Variants in ANTXRL observed in about 807,000 individuals in gnomAD.
The protein encoded by ANTXRL is ANTXR like.
ANTXRL carries 63 observed loss-of-function variants against 75.4 expected under a neutral mutation model. The observed-to-expected ratio is 0.84, with a 90% CI of 0.68 to 1.03. ANTXRL has a LOEUF of 1.03. Ranked by LOEUF, ANTXRL falls within the 50% of genes least tolerant of loss-of-function variation. The pLI, the probability that ANTXRL is intolerant of heterozygous loss-of-function variation, is 0.00. For synonymous variants in ANTXRL, 335 were observed against 291.3 expected (o/e 1.15, Z -1.53); for missense variants, 797 against 789.4 (o/e 1.01, Z -0.12).
At chr10:46,322,121 A>G (rs114844700) in intron 16 of ANTXRL, among the ~76,000 whole-genome samples, 5,664 of 151,992 alleles carry the variant, frequency 0.037, 370 homozygotes, top group African/African-American at 0.13. Context: ...GCTTTCCCAC[A>G]TGGGAAAGCC....
intron 14 of ANTXRL, 99 bp downstream of exon 14, chr10:46,310,598 C>A: frequency 7.7e-7 from 1 of 1,293,870 alleles, no homozygotes; most frequent in Non-Finnish European, 1.1e-6. Flanking sequence ...TCTCCATCTG[C>A]TTGAGCAGAG....
At chr10:46,328,309 C>A (rs1839325599) in intron 16 of ANTXRL, among the ~76,000 whole-genome samples, 1 of 152,110 alleles carries the variant, frequency 6.6e-6, no homozygotes, top group Admixed American at 6.5e-5. Flanking sequence ...AGCTGAGCAG[C>A]TCTGAGAAAG....
Position 46,323,300 on chromosome 10 carries a change from A to T in ANTXRL, c.1411-6299A>T, listed in dbSNP as rs545032851. Among the ~76,000 whole-genome samples the T allele has an allele frequency of 6.6e-5, 10 of 152,308 alleles. No homozygotes were observed. The East Asian group carries it at 1.9e-3, about 29-fold the overall frequency. The stretch of plus-strand genomic sequence containing the variant: ...TAGGACCTATGAACAAAAAAATAAT[A>T]ACTCAGGATTAGCCAATGTACTGTC... On this transcript the variant is annotated intron_variant, in intron 16 of 16. Coordinates refer to ENST00000620264, the MANE Select transcript of ANTXRL (RefSeq NM_001278688.3).
chr10:46,308,976 C>T (rs1159790767), intron 12 of ANTXRL, 137 bp from the exon 13 acceptor site: 2 of 1,230,146 alleles, frequency 1.6e-6, no homozygotes, highest in African/African-American at 1.5e-5. Context: ...GGGCCCAGCC[C>T]TGGCCGCTGG....
In ANTXRL at chr10:46,287,165, C is replaced by T; in HGVS notation, c.-98C>T. The T allele has an allele frequency of 7.0e-7, 1 of 1,437,122 alleles. No homozygotes were observed. Among genetic ancestry groups the T allele is most frequent in the Non-Finnish European group, 9.2e-7 (1 of 1,088,710 alleles). 89.0% of individuals were successfully genotyped at this position (1,437,122 alleles called of 1,614,324 possible). A position where few individuals can be genotyped will look rare whatever the true frequency, so the allele number is the denominator to read the frequency against. On this transcript the variant is annotated 5_prime_UTR_variant, in exon 1 of 17. Transcript: ENST00000620264. ...GCAGGAGGAGGGGTGTGGCCCCGGG[C>T]ATAAGGGGAGGCGGCAAAGAAGGGG...
intron 2 of ANTXRL, among the ~76,000 whole-genome samples, chr10:46,293,552 TGTGA>T (rs1439037194): frequency 7.8e-6 from 1 of 127,722 alleles, no homozygotes; most frequent in Admixed American, 8.3e-5. Context: ...TGCATATGTG[TGTGA>T]GTGTGTGCCT....
rs1415055481 is a variant in ANTXRL, at chr10:46,292,068, G to A, written c.259G>A (p.Val87Met). ...LYFILDKSGS[V>M]NNNWIDLYMW... ...CTCCTTTTGTTTTAGGTCTGGCAGC[G>A]TGAACAATAACTGGATTGACCTTTA... is the stretch of plus-strand genomic sequence containing the variant. Residue 87 changes from valine (V) to methionine (M), a missense_variant, in exon 2 of 17, where the codon GTG becomes ATG. Around this residue, in one of 3 missense-constraint regions of ANTXRL, gnomAD observed 262 missense variants for 271.9 expected, o/e 0.96. Transcript: ENST00000620264. 7 of 1,536,278 alleles carry A rather than the reference G, an allele frequency of 4.6e-6. No individual in the cohort carries two copies. Among genetic ancestry groups the A allele is most frequent in the African/African-American group, 1.4e-5 (1 of 73,128 alleles).
At position 46,300,265 on chromosome 10, in the gene ANTXRL, AG is replaced by A. The variant is rs1271977154; in HGVS notation, c.796+2206del. On this transcript the variant is annotated intron_variant, in intron 9 of 16. Transcript: ENST00000620264. Reference sequence around the variant, plus strand: ...GGAGGGTGACAGTCACAGGAGGGAAAGGGCAAGGCAGGAGCCTGAAACCCAA... The same window carrying A: ...GGAGGGTGACAGTCACAGGAGGGAAAGGCAAGGCAGGAGCCTGAAACCCAA... 1.4e-4 allele frequency among the ~76,000 whole-genome samples: 21 copies of A among 152,292 alleles called. No individual in the cohort carries two copies. In the East Asian group the frequency reaches 3.9e-3, roughly 28 times the overall value.
intron 16 of ANTXRL, among the ~76,000 whole-genome samples, chr10:46,315,547 A>G (rs1437205904): frequency 7.2e-5 from 11 of 152,150 alleles, no homozygotes; most frequent in African/African-American, 2.7e-4. Flanking sequence ...GGCCCTCAGC[A>G]GGTTGGGGGA....
Position 46,297,303 on chromosome 10 carries a change from A to T in ANTXRL, c.560A>T (p.His187Leu). The stretch of plus-strand genomic sequence containing the variant: ...ATGACTGATGGAGAACTGGTGGCAC[A>T]TGCATTTCAGGACACTCTCAGAGAA... The part of the protein sequence containing the change: ...IAMTDGELVA[H>L]AFQDTLREAQ... Residue 187 changes from histidine to leucine, a missense_variant, in exon 6 of 17, where the codon CAT becomes CTT. Physicochemically the swap from His to Leu is moderately conservative, Grantham distance 99. This residue lies in a region of ANTXRL where 262 missense variants were observed against 271.9 expected (regional missense o/e 0.96). Transcript: ENST00000620264. 4.6e-6 allele frequency: 7 copies of T among 1,536,542 alleles called. No homozygotes were observed. The highest frequency in any genetic ancestry group is 6.1e-6 in the Non-Finnish European group (7 of 1,146,878).
At chr10:46,306,770 C>G (rs1838114951) in intron 10 of ANTXRL, 33 bp from the exon 11 acceptor site, 2 of 1,477,758 alleles carry the variant, frequency 1.4e-6, no homozygotes, top group Non-Finnish European at 1.8e-6. Flanking sequence ...CAGACAGGTG[C>G]ACTGACATTC....
intron 1 of ANTXRL, among the ~76,000 whole-genome samples, chr10:46,291,746 C>G (rs12766672): frequency 0.037 from 5,602 of 152,196 alleles, 112 homozygotes; most frequent in Admixed American, 0.054. Flanking sequence ...AGTACATTCT[C>G]TCCCATTTCC....
intron 1 of ANTXRL, among the ~76,000 whole-genome samples, chr10:46,291,177 G>C (rs1460841104): frequency 6.6e-6 from 1 of 152,092 alleles, no homozygotes; most frequent in African/African-American, 2.4e-5. Flanking sequence ...ACCATTTCTT[G>C]AAACTACTGT....
In ANTXRL at chr10:46,329,025, T is replaced by C. The variant is rs114048062; in HGVS notation, c.1411-574T>C. 9.9e-3 allele frequency among the ~76,000 whole-genome samples: 1,501 copies of C among 152,262 alleles called. 33 individuals are homozygous for C. Among genetic ancestry groups the C allele is most frequent in the African/African-American group, 0.032 (1,342 of 41,546 alleles). Reference sequence around the variant, plus strand: ...CACAGATGAACACAAAGACAATCTCTGTGTGGCTTGCAGCTGTGTGGGTGG... The same window carrying C: ...CACAGATGAACACAAAGACAATCTCCGTGTGGCTTGCAGCTGTGTGGGTGG... On this transcript the variant is annotated intron_variant, in intron 16 of 16. Transcript: ENST00000620264.
In ANTXRL at chr10:46,297,255, AGG is replaced by A. The variant is rs1554959039; in HGVS notation, c.513_514del (p.Lys171AsnfsTer10). The A allele has an allele frequency of 1.3e-6, 2 of 1,536,370 alleles. No homozygotes were observed. Among genetic ancestry groups the A allele is most frequent in the Non-Finnish European group, 1.7e-6 (2 of 1,146,798 alleles). Reference sequence around the variant, plus strand: ...CCACTCTTTGCTTCTTCTACAGACAAGGTTCCCAGCATGATTATTGCTATGAC... The same window carrying A: ...CCACTCTTTGCTTCTTCTACAGACAATTCCCAGCATGATTATTGCTATGAC... On this transcript the variant is annotated frameshift_variant, in exon 6 of 17. Transcript: ENST00000620264. LOFTEE classifies it high-confidence loss of function.
rs1836801592 is a variant in ANTXRL at position 46,287,268 on chromosome 10, G to C, written c.6G>C (p.Gly2=). The C allele has an allele frequency of 5.2e-6, 8 of 1,535,656 alleles. No homozygotes were observed. Among genetic ancestry groups the C allele is most frequent in the Non-Finnish European group, 4.4e-6 (5 of 1,146,712 alleles). The change falls in exon 1 of 17, where the codon GGG becomes GGC. Residue 2 remains glycine, a synonymous_variant. Transcript: ENST00000620264. M[G]SHESLGPYFL... ...GTCACAGGGACAGCCAGATAATGGG[G>C]AGCCATGAGTCCCTGGGGCCCTACT...
intron 16 of ANTXRL, among the ~76,000 whole-genome samples, chr10:46,316,174 C>T (rs1838714344): frequency 6.6e-6 from 1 of 152,060 alleles, no homozygotes; most frequent in Non-Finnish European, 1.5e-5. Flanking sequence ...ATATAGTGCC[C>T]ACAATGATAT....
chr10:46,296,076 A>T lies in ANTXRL; in HGVS notation c.450A>T (p.Thr150=). Residue 150 remains threonine, a synonymous_variant, in exon 4 of 17, where the codon ACA becomes ACT. Transcript: ENST00000620264. Reference sequence around the variant, plus strand: ...AGAAAATTGTGCCTGACGGTCACACATTCATGCAGGCAGGATTTAGAAAGG... The same window carrying T: ...AGAAAATTGTGCCTGACGGTCACACTTTCATGCAGGCAGGATTTAGAAAGG... ...QLQKIVPDGH[T]FMQAGFRKAI... 2 of 1,535,982 alleles carry T rather than the reference A, an allele frequency of 1.3e-6. No homozygotes were observed. Among genetic ancestry groups the T allele is most frequent in the Non-Finnish European group, 1.7e-6 (2 of 1,146,762 alleles).
intron 16 of ANTXRL, among the ~76,000 whole-genome samples, chr10:46,324,903 T>C (rs1839142384): frequency 6.6e-6 from 1 of 152,248 alleles, no homozygotes; most frequent in South Asian, 2.1e-4. Flanking sequence ...CACTGTTACA[T>C]AGTAGAAAGG....
Sources: gnomAD v4.1 joint callset for allele counts (sites outside exome capture counted in the v4.1 genomes callset) on GRCh38, gnomAD v4.1.1 for gene constraint, gnomAD v4.1.1 regional missense constraint, MANE v1.5 for transcripts, NCBI Gene and HGNC (gene_info 2026-07-23, HGNC 2026-07-21) for gene names.